RBM19: variants seen among roughly 807,000 people sequenced by gnomAD.
The protein encoded by RBM19 is probable RNA-binding protein 19.
A neutral mutation model predicts 116.8 loss-of-function variants in RBM19; 94 were observed. The ratio of observed to expected loss-of-function variants is 0.80; its 90% CI spans 0.68 to 0.95. The LOEUF is 0.95. Among genes scored for constraint, RBM19 ranks in the 40% least tolerant of loss-of-function variants. The pLI, the probability that RBM19 is intolerant of heterozygous loss-of-function variation, is 0.00. For missense variants in RBM19, 1,161 were observed against 1,220.7 expected, an observed-to-expected ratio of 0.95 and a Z score of 0.73; for synonymous variants, 475 against 494.1, an observed-to-expected ratio of 0.96 and a Z score of 0.51.
intron 22 of RBM19, among the ~76,000 whole-genome samples, chr12:113,847,828 T>C (rs1458356835): frequency 2.0e-5 from 3 of 152,196 alleles, no homozygotes; most frequent in Admixed American, 6.5e-5. Flanking sequence ...TCTCTATTCA[T>C]TGCAGGAGTC....
intron 17 of RBM19, among the ~76,000 whole-genome samples, 157 bp from the exon 18 acceptor site, chr12:113,924,914 G>A (rs1189912726): frequency 6.6e-6 from 1 of 152,072 alleles, no homozygotes; most frequent in Non-Finnish European, 1.5e-5. Context: ...AAGTAACCTG[G>A]GCAGTCCCTT....
At chr12:113,962,101 G>C (rs1003606702) in intron 2 of RBM19, 131 bp downstream of exon 2, 29 of 1,101,794 alleles carry the variant, frequency 2.6e-5, no homozygotes, top group African/African-American at 2.4e-4. Context: ...GAAAGTGTGT[G>C]AATCGGTGAG....
intron 22 of RBM19, among the ~76,000 whole-genome samples, chr12:113,845,575 C>T (rs73207423): frequency 0.19 from 29,282 of 152,110 alleles, 3,473 homozygotes; most frequent in Middle Eastern, 0.34. Flanking sequence ...TTTTCATCAC[C>T]CCCAAAGGAA....
chr12:113,935,249 T>C (rs1869952227), intron 16 of RBM19, among the ~76,000 whole-genome samples: 1 of 151,920 alleles, frequency 6.6e-6, no homozygotes, highest in Non-Finnish European at 1.5e-5. Flanking sequence ...CAATTTGTTT[T>C]CAGTGCCGCT....
chr12:113,886,442 A>G (rs1182900048), intron 21 of RBM19, among the ~76,000 whole-genome samples: 4 of 152,158 alleles, frequency 2.6e-5, no homozygotes, highest in African/African-American at 7.2e-5. Context: ...CAGCTTTGCC[A>G]TTTTAACCAG....
chr12:113,847,379 T>C (rs537940330), intron 22 of RBM19, among the ~76,000 whole-genome samples: 1 of 152,302 alleles, frequency 6.6e-6, no homozygotes, highest in Non-Finnish European at 1.5e-5. Context: ...TCTTTCTGAC[T>C]GCCAGCAGAG....
intron 22 of RBM19, among the ~76,000 whole-genome samples, chr12:113,849,532 AG>A (rs1877282297): frequency 1.3e-5 from 2 of 152,226 alleles, no homozygotes; most frequent in Non-Finnish European, 2.9e-5. Context: ...CATCCAGACG[AG>A]TGGGACATTT....
Position 113,858,845 on chromosome 12 carries a change from T to C in RBM19, c.2610A>G (p.Thr870=). The C allele has an allele frequency of 1.2e-6, 2 of 1,614,180 alleles. No individual in the cohort carries two copies. The highest frequency in any genetic ancestry group is 1.7e-6 in the Non-Finnish European group (2 of 1,180,036). The change falls in exon 22 of 24, where the codon ACA becomes ACG. Residue 870 remains threonine, a synonymous_variant. Transcript: ENST00000261741. ...CAAAGCCGAAGCCTCTGTGTGTGCC[T>C]GTCCCAGTCATCTTCTTTGGCAGGC... ...TVRLPKKMTG[T]GTHRGFGFVD...
At chr12:113,922,251 C>T (rs185223222) in intron 18 of RBM19, among the ~76,000 whole-genome samples, 4 of 152,302 alleles carry the variant, frequency 2.6e-5, no homozygotes, top group East Asian at 1.9e-4. Flanking sequence ...AGCCACACGT[C>T]GGCCCCTTCC....
intron 7 of RBM19, 124 bp downstream of exon 7, chr12:113,955,007 C>T: frequency 4.3e-6 from 4 of 929,590 alleles, no homozygotes; most frequent in Non-Finnish European, 1.7e-6. Flanking sequence ...TTTTGGCCCC[C>T]AATTCCTTCC....
At chr12:113,925,838 C>T (rs1182003847) in intron 17 of RBM19, among the ~76,000 whole-genome samples, 3 of 152,182 alleles carry the variant, frequency 2.0e-5, no homozygotes, top group African/African-American at 7.2e-5. Context: ...TGTTCCCATA[C>T]CAGACCCGCA....
chr12:113,868,325 C>T (rs574909451), intron 21 of RBM19, among the ~76,000 whole-genome samples: 1 of 152,216 alleles, frequency 6.6e-6, no homozygotes, highest in East Asian at 1.9e-4. Flanking sequence ...TTAGAAGCAA[C>T]TGAAGGGGGA....
chr12:113,959,159 C>A, intron 5 of RBM19, 53 bp downstream of exon 5: 1 of 1,560,650 alleles, frequency 6.4e-7, no homozygotes, highest in Non-Finnish European at 8.7e-7. Context: ...CCGGTTAGCC[C>A]AATGGCAAGC....
chr12:113,875,801 T>C (rs187409326), intron 21 of RBM19, among the ~76,000 whole-genome samples: 3 of 152,282 alleles, frequency 2.0e-5, no homozygotes, highest in Non-Finnish European at 4.4e-5. Context: ...AAGTCAATGA[T>C]CGTGTCTCTG....
At chr12:113,947,019 C>A (rs1425425377) in intron 11 of RBM19, among the ~76,000 whole-genome samples, 2 of 152,192 alleles carry the variant, frequency 1.3e-5, no homozygotes, top group African/African-American at 4.8e-5. Context: ...TCTTCTTACT[C>A]CTCTTCTAAG....
intron 23 of RBM19, among the ~76,000 whole-genome samples, chr12:113,834,835 G>C (rs1875736872): frequency 6.6e-6 from 1 of 152,156 alleles, no homozygotes; most frequent in Admixed American, 6.5e-5. Context: ...TCTGGGTCTT[G>C]GTTTGTGCTT....
intron 22 of RBM19, among the ~76,000 whole-genome samples, chr12:113,847,825 T>A (rs1290056825): frequency 6.6e-6 from 1 of 152,208 alleles, no homozygotes; most frequent in Non-Finnish European, 1.5e-5. Flanking sequence ...AGATCTCTAT[T>A]CATTGCAGGA....
chr12:113,827,474 G>A (rs1487475191), intron 23 of RBM19, among the ~76,000 whole-genome samples: 1 of 150,374 alleles, frequency 6.7e-6, no homozygotes, highest in Non-Finnish European at 1.5e-5. Flanking sequence ...CTGCATGGGA[G>A]GCGCAGGCAG....
intron 10 of RBM19, among the ~76,000 whole-genome samples, chr12:113,947,910 T>C (rs971783094): frequency 3.9e-5 from 6 of 152,234 alleles, no homozygotes; most frequent in African/African-American, 1.4e-4. Flanking sequence ...GGGTCTTTCC[T>C]TCCCAAATGG....
Sources: gnomAD v4.1 joint callset for allele counts (sites outside exome capture counted in the v4.1 genomes callset) on GRCh38, gnomAD v4.1.1 for gene constraint, MANE v1.5 for transcripts, NCBI Gene and HGNC (gene_info 2026-07-23, HGNC 2026-07-21) for gene names.